Variants in SNTB1 observed in about 807,000 individuals in gnomAD.
SNTB1 encodes syntrophin beta 1.
A neutral mutation model predicts 48.9 loss-of-function variants in SNTB1; 36 were observed. That is an observed-to-expected ratio of 0.74 (90% confidence interval 0.56 to 0.97). SNTB1 has a LOEUF of 0.97. SNTB1 is among the 50% of genes least tolerant of loss of function. The probability of loss-of-function intolerance (pLI) is 0.00; values close to 1 mark genes in which losing one functional copy is unlikely to be tolerated. For synonymous variants in SNTB1, 299 were observed against 294.6 expected (o/e 1.01, Z -0.15); for missense variants, 786 against 703.4 (o/e 1.12, Z -1.33).
chr8:120,642,251 T>C (rs1464164810), intron 2 of SNTB1, among the ~76,000 whole-genome samples: 1 of 152,178 alleles, frequency 6.6e-6, no homozygotes, highest in Non-Finnish European at 1.5e-5. Flanking sequence ...ACAAAAGACA[T>C]AGAGCAGAGA....
chr8:120,640,342 C>T (rs1222334095), intron 2 of SNTB1, among the ~76,000 whole-genome samples: 2 of 152,210 alleles, frequency 1.3e-5, no homozygotes, highest in African/African-American at 4.8e-5. Flanking sequence ...AATTTGACTT[C>T]ATCATTTCCT....
At chr8:120,586,842 G>C (rs1388940691) in intron 3 of SNTB1, among the ~76,000 whole-genome samples, 1 of 152,160 alleles carries the variant, frequency 6.6e-6, no homozygotes, top group Non-Finnish European at 1.5e-5. Flanking sequence ...TGGGCAAATG[G>C]GGGAAAGAAG....
chr8:120,763,855 T>C (rs13272947), intron 1 of SNTB1, among the ~76,000 whole-genome samples: 150,648 of 152,202 alleles, frequency 0.99, 74,558 homozygotes, highest in East Asian at 1. Context: ...TGGGGTCTTG[T>C]TATGTTGTCC....
chr8:120,690,988 C>A (rs995197012), intron 2 of SNTB1, among the ~76,000 whole-genome samples: 4 of 152,168 alleles, frequency 2.6e-5, no homozygotes, highest in Non-Finnish European at 5.9e-5. Flanking sequence ...GCAGAACAGG[C>A]TCTCCCTCTC....
At chr8:120,627,483 C>A (rs540321064) in intron 3 of SNTB1, among the ~76,000 whole-genome samples, 1 of 152,016 alleles carries the variant, frequency 6.6e-6, no homozygotes, top group Non-Finnish European at 1.5e-5. Context: ...AAAGAAGGAA[C>A]CTAACCAGAG....
chr8:120,749,539 T>A (rs1819178351), intron 1 of SNTB1, among the ~76,000 whole-genome samples: 1 of 152,134 alleles, frequency 6.6e-6, no homozygotes, highest in Non-Finnish European at 1.5e-5. Flanking sequence ...TATTCTATTT[T>A]TTTCTGGTAG....
At chr8:120,566,253 C>T (rs555489712) in intron 4 of SNTB1, among the ~76,000 whole-genome samples, 8 of 137,850 alleles carry the variant, frequency 5.8e-5, no homozygotes, top group East Asian at 4.8e-4. Context: ...CACTTGAACC[C>T]GGGAGGTGGA....
At chr8:120,584,627 C>G (rs1292392560) in intron 3 of SNTB1, among the ~76,000 whole-genome samples, 1 of 151,992 alleles carries the variant, frequency 6.6e-6, no homozygotes. Context: ...GTATGACAGT[C>G]TACTCTGATG....
chr8:120,540,670 A>G (rs1231172333), intron 6 of SNTB1, among the ~76,000 whole-genome samples: 2 of 152,206 alleles, frequency 1.3e-5, no homozygotes, highest in Non-Finnish European at 2.9e-5. Context: ...GAAACATACA[A>G]ACAAAATTTG....
At chr8:120,632,801 C>T (rs1244112883) in intron 2 of SNTB1, 150 bp from the exon 3 acceptor site, 3 of 665,744 alleles carry the variant, frequency 4.5e-6, no homozygotes, top group African/African-American at 1.8e-5. Flanking sequence ...GCCATCCATT[C>T]GTTCACTCAT....
intron 2 of SNTB1, among the ~76,000 whole-genome samples, chr8:120,680,180 A>G (rs1197250840): frequency 1.3e-5 from 2 of 152,292 alleles, no homozygotes; most frequent in Admixed American, 6.5e-5. Flanking sequence ...CCTGCGAGGA[A>G]GACTCCATAG....
chr8:120,556,745 G>A (rs1815573027), intron 4 of SNTB1, among the ~76,000 whole-genome samples: 1 of 152,214 alleles, frequency 6.6e-6, no homozygotes, highest in Non-Finnish European at 1.5e-5. Context: ...GAGAAAACTA[G>A]TGGAATAATT....
intron 1 of SNTB1, among the ~76,000 whole-genome samples, chr8:120,708,159 T>G (rs1271979733): frequency 6.6e-6 from 1 of 151,706 alleles, no homozygotes; most frequent in African/African-American, 2.4e-5. Context: ...GACAGTTTTA[T>G]GGTAATAAGT....
chr8:120,754,274 C>T (rs1819275413), intron 1 of SNTB1, among the ~76,000 whole-genome samples: 3 of 152,048 alleles, frequency 2.0e-5, no homozygotes, highest in Admixed American at 2.0e-4. Context: ...AGGTGGATTG[C>T]TTGAGTCCAG....
At position 120,557,287 on chromosome 8, in the gene SNTB1, C is replaced by T. The variant is rs1194971069; in HGVS notation, c.1137-8329G>A. On this transcript the variant is annotated intron_variant, in intron 4 of 6. Coordinates refer to ENST00000517992, the MANE Select transcript of SNTB1 (RefSeq NM_021021.4). ...CCAGGGATGTTAAGAATATTCTCCCCTCAAAAGCCCGTGTTTCCATCAAAG... is the reference window on the plus strand; with the variant it reads ...CCAGGGATGTTAAGAATATTCTCCCTTCAAAAGCCCGTGTTTCCATCAAAG... Among the ~76,000 whole-genome samples, 4 of 152,280 alleles carry T rather than the reference C, an allele frequency of 2.6e-5. 1 individual carries two copies. The East Asian group carries it at 5.8e-4, about 22-fold the overall frequency.
chr8:120,613,218 G>T (rs903866272), intron 3 of SNTB1, among the ~76,000 whole-genome samples: 5 of 152,120 alleles, frequency 3.3e-5, no homozygotes, highest in Admixed American at 2.6e-4. Context: ...AGGCATGGTG[G>T]TGGGCGCCTA....
chr8:120,540,022 C>A (rs1815259277), intron 6 of SNTB1, among the ~76,000 whole-genome samples: 1 of 152,120 alleles, frequency 6.6e-6, no homozygotes, highest in African/African-American at 2.4e-5. Flanking sequence ...AGGGCTTAAC[C>A]ACAACATTCT....
chr8:120,545,885 T>C (rs779708942), intron 5 of SNTB1, among the ~76,000 whole-genome samples: 1 of 152,226 alleles, frequency 6.6e-6, no homozygotes, highest in Non-Finnish European at 1.5e-5. Context: ...TCGTACTTAT[T>C]GACAACAACC....
intron 1 of SNTB1, among the ~76,000 whole-genome samples, chr8:120,726,920 T>C (rs58049400): frequency 0.027 from 4,133 of 152,308 alleles, 175 homozygotes; most frequent in African/African-American, 0.092. Flanking sequence ...CAATCTGCAG[T>C]GCTCCTCTTC....
Sources: allele counts gnomAD v4.1 joint callset (sites outside exome capture counted in the v4.1 genomes callset), GRCh38; gene constraint gnomAD v4.1.1; transcripts MANE v1.5; gene names NCBI Gene and HGNC (gene_info 2026-07-23, HGNC 2026-07-21).